DLG3: variants seen among roughly 807,000 people sequenced by gnomAD.
DLG3 encodes disks large homolog 3.
Under a neutral mutation model 64.1 loss-of-function variants are expected in DLG3, and 1 was observed. The ratio of observed to expected loss-of-function variants is 0.02; its 90% CI spans 0.01 to 0.07. DLG3 has a LOEUF of 0.07. Among genes scored for constraint, DLG3 ranks in the 10% least tolerant of loss-of-function variants. The pLI is 1.00. For synonymous variants in DLG3, 245 were observed against 259.8 expected (o/e 0.94, Z 0.55); for missense variants, 429 against 669.5 (o/e 0.64, Z 3.96).
At chrX:70,500,329 C>T in intron 16 of DLG3, 142 bp from the exon 17 acceptor site, 1 of 569,146 alleles carries the variant, frequency 1.8e-6, no homozygotes, top group Non-Finnish European at 3.0e-6. Context: ...GATCGAATTT[C>T]TTAGGCCACT....
chrX:70,452,609 A>G, intron 7 of DLG3: 2 of 1,178,329 alleles, frequency 1.7e-6, no homozygotes, highest in East Asian at 6.2e-5. Context: ...GCCAGGGGAG[A>G]GAGAGAGGAG....
intron 9 of DLG3, among the ~76,000 whole-genome samples, chrX:70,477,826 T>C (rs2087082649): frequency 9.0e-6 from 1 of 111,685 alleles, no homozygotes; most frequent in Admixed American, 9.5e-5. Flanking sequence ...TCCTTCCCCT[T>C]TAGGCTTTAG....
In DLG3 at chrX:70,474,040, G is replaced by A. The variant is rs1274640602; in HGVS notation, c.1406-5110G>A. Among the ~76,000 whole-genome samples, 9 of 112,214 alleles carry A rather than the reference G, an allele frequency of 8.0e-5. No homozygotes were observed. In the Admixed American group the frequency reaches 8.6e-4, roughly 11 times the overall value. On this transcript the variant is annotated intron_variant, in intron 9 of 18. Transcript: ENST00000374360. ...AATAACAGGTAGAACTGAACAAGCT[G>A]TATTCAAGGGGTCCAGGCAAGCTAG...
intron 9 of DLG3, among the ~76,000 whole-genome samples, chrX:70,461,336 G>A (rs1372113823): frequency 8.9e-6 from 1 of 112,003 alleles, no homozygotes; most frequent in African/African-American, 3.3e-5. Context: ...TTTTTCATGT[G>A]CTTATTGTTT....
At chrX:70,488,131 C>T (rs949957885) in intron 10 of DLG3, among the ~76,000 whole-genome samples, 66 of 110,223 alleles carry the variant, frequency 6.0e-4, no homozygotes, top group African/African-American at 2.1e-3. Flanking sequence ...CCTGCCTCAG[C>T]CTCCCGAGTA....
intron 9 of DLG3, among the ~76,000 whole-genome samples, chrX:70,473,519 C>G (rs750674103): frequency 3.6e-5 from 4 of 112,077 alleles, no homozygotes; most frequent in Non-Finnish European, 7.5e-5. Flanking sequence ...TTTCTAGGGA[C>G]CATTTTGATT....
chrX:70,489,796 C>G (rs1306103391), intron 10 of DLG3, among the ~76,000 whole-genome samples: 1 of 111,852 alleles, frequency 8.9e-6, no homozygotes, highest in Admixed American at 9.5e-5. Context: ...AAACTTACAA[C>G]CAGTAAACTC....
chrX:70,455,397 C>T, intron 9 of DLG3: 1 of 723,122 alleles, frequency 1.4e-6, no homozygotes, highest in African/African-American at 2.3e-5. Flanking sequence ...GTTGCGTGCC[C>T]CCAGGCTCCT....
At chrX:70,459,350 A>G (rs1297725069) in intron 9 of DLG3, among the ~76,000 whole-genome samples, 1 of 112,612 alleles carries the variant, frequency 8.9e-6, no homozygotes, top group African/African-American at 3.2e-5. Flanking sequence ...GTTAGAAATC[A>G]GTGGTGTTAA....
chrX:70,494,534 C>A (rs2087418501), intron 12 of DLG3, among the ~76,000 whole-genome samples: 1 of 111,989 alleles, frequency 8.9e-6, no homozygotes, highest in South Asian at 3.7e-4. Flanking sequence ...TAGATGGCAG[C>A]CACGGCTCAT....
intron 13 of DLG3, among the ~76,000 whole-genome samples, chrX:70,497,445 C>G (rs1427531968): frequency 8.9e-6 from 1 of 112,608 alleles, no homozygotes; most frequent in Non-Finnish European, 1.9e-5. Flanking sequence ...CTGGCCGGGA[C>G]CTGACTTAAA....
At chrX:70,473,520 C>G (rs1034710308) in intron 9 of DLG3, among the ~76,000 whole-genome samples, 2 of 111,905 alleles carry the variant, frequency 1.8e-5, no homozygotes, top group African/African-American at 3.3e-5. Context: ...TTCTAGGGAC[C>G]ATTTTGATTA....
rs796396273 is a variant in DLG3, at chrX:70,501,409, C to CTGTG, written c.2347+423_2347+424insGTGT. Among the ~76,000 whole-genome samples the CTGTG allele has an allele frequency of 1.7e-3, 131 of 75,163 alleles. 1 individual carries two copies. The highest frequency in any genetic ancestry group is 6.4e-3 in the African/African-American group (125 of 19,489). The allele number at this position is 75,163 out of a possible 115,157, so 65.3% of individuals were successfully genotyped here. A position where few individuals can be genotyped will look rare whatever the true frequency, so the allele number is the denominator to read the frequency against. ...GTTGTCTGTTGGGGTGTCTGTCTGT[C>CTGTG]TGTCTGTGTGTGTGTGTGTGTGTGT... On this transcript the variant is annotated intron_variant, in intron 18 of 18. Coordinates refer to ENST00000374360, the MANE Select transcript of DLG3 (RefSeq NM_021120.4).
chrX:70,454,083 A>C, intron 8 of DLG3, 131 bp from the exon 9 acceptor site: 4 of 558,659 alleles, frequency 7.2e-6, no homozygotes, highest in Non-Finnish European at 1.2e-5. Context: ...TTTTAGGGGC[A>C]AGGTTGGAAT....
chrX:70,457,354 T>A (rs1383239436), intron 9 of DLG3, among the ~76,000 whole-genome samples: 3 of 111,796 alleles, frequency 2.7e-5, no homozygotes, highest in African/African-American at 9.8e-5. Context: ...ATCTCCATGG[T>A]GGCCTCTGAG....
intron 12 of DLG3, 68 bp from the exon 13 acceptor site, chrX:70,495,340 C>G (rs1417865626): frequency 9.7e-7 from 1 of 1,032,461 alleles, no homozygotes; most frequent in Non-Finnish European, 1.4e-6. Context: ...CCATTCCCTC[C>G]CATCCCTTCC....
In DLG3 at chrX:70,498,840, C is replaced by T. The variant is rs985096249; in HGVS notation, c.1870+270C>T. On this transcript the variant is annotated intron_variant, in intron 14 of 18. Coordinates refer to ENST00000374360, the MANE Select transcript of DLG3 (RefSeq NM_021120.4). Reference sequence around the variant, plus strand: ...GCAAATTTACAAGGAAAGTCTATTTCAGTAGATGTAGCCACTGCTAAAAGA... The same window carrying T: ...GCAAATTTACAAGGAAAGTCTATTTTAGTAGATGTAGCCACTGCTAAAAGA... Among the ~76,000 whole-genome samples the T allele has an allele frequency of 4.5e-5, 5 of 112,197 alleles. No individual in the cohort carries two copies. The East Asian group carries it at 1.4e-3, about 32-fold the overall frequency.
At chrX:70,482,220 C>A (rs1157415656) in intron 10 of DLG3, among the ~76,000 whole-genome samples, 2 of 112,293 alleles carry the variant, frequency 1.8e-5, no homozygotes, top group African/African-American at 6.5e-5. Context: ...CAAGGTGTTA[C>A]AGAAGAGGCT....
At chrX:70,452,529 G>T (rs2086631031) in intron 7 of DLG3, 1 of 1,154,653 alleles carries the variant, frequency 8.7e-7, no homozygotes, top group Non-Finnish European at 1.2e-6. Context: ...TGGGGTTCCG[G>T]GGGACAGGTT....
Sources: allele counts gnomAD v4.1 joint callset (sites outside exome capture counted in the v4.1 genomes callset), GRCh38; gene constraint gnomAD v4.1.1; transcripts MANE v1.5; gene names NCBI Gene and HGNC (gene_info 2026-07-23, HGNC 2026-07-21).